Variants in FHIT observed in about 807,000 individuals in gnomAD.
The protein encoded by FHIT is fragile histidine triad diadenosine triphosphatase.
A neutral mutation model predicts 17.9 loss-of-function variants in FHIT; 19 were observed. The observed-to-expected ratio is 1.06, with a 90% CI of 0.74 to 1.56. The LOEUF (loss-of-function observed/expected upper bound fraction) is 1.56. Ranked by LOEUF, FHIT falls within the 40% of genes most tolerant of loss-of-function variation. The pLI, the probability that FHIT is intolerant of heterozygous loss-of-function variation, is 0.00. For missense variants in FHIT, 248 were observed against 189.2 expected (o/e 1.31, Z -1.82); for synonymous variants, 81 against 69.7 (o/e 1.16, Z -0.81).
At chr3:60,368,448 A>G (rs986221389) in intron 5 of FHIT, among the ~76,000 whole-genome samples, 6 of 151,968 alleles carry the variant, frequency 3.9e-5, no homozygotes, top group East Asian at 1.9e-4. Context: ...ATATAAATAT[A>G]TTTATTTCTT....
intron 7 of FHIT, among the ~76,000 whole-genome samples, chr3:59,988,821 G>A (rs935128580): frequency 1.1e-4 from 16 of 152,088 alleles, no homozygotes; most frequent in African/African-American, 3.4e-4. Flanking sequence ...AGCCCTCCAA[G>A]ATAGGGGAAT....
intron 5 of FHIT, among the ~76,000 whole-genome samples, chr3:60,324,658 T>A (rs1398666150): frequency 6.6e-6 from 1 of 152,016 alleles, no homozygotes; most frequent in Non-Finnish European, 1.5e-5. Flanking sequence ...AGTGTTATGC[T>A]AAGCATGGTT....
chr3:61,089,273 A>G (rs1210428969), intron 2 of FHIT, among the ~76,000 whole-genome samples: 3 of 152,196 alleles, frequency 2.0e-5, no homozygotes, highest in African/African-American at 7.2e-5. Flanking sequence ...TTTTAAGTGT[A>G]CAGTTTTGTG....
intron 5 of FHIT, among the ~76,000 whole-genome samples, chr3:60,187,032 C>T (rs1214328643): frequency 6.6e-6 from 1 of 152,018 alleles, no homozygotes; most frequent in African/African-American, 2.4e-5. Flanking sequence ...TGAAATAGCT[C>T]GTGATTAGAG....
chr3:61,227,929 A>G (rs890064356), intron 1 of FHIT, among the ~76,000 whole-genome samples: 1 of 152,182 alleles, frequency 6.6e-6, no homozygotes, highest in Non-Finnish European at 1.5e-5. Flanking sequence ...TAAAAACTCA[A>G]TGACTAAGTA....
At chr3:60,641,587 T>C (rs1399460228) in intron 4 of FHIT, among the ~76,000 whole-genome samples, 1 of 152,152 alleles carries the variant, frequency 6.6e-6, no homozygotes, top group Non-Finnish European at 1.5e-5. Flanking sequence ...GGCAGATATA[T>C]GATGACAAAC....
At chr3:59,956,066 T>C (rs13322304) in intron 7 of FHIT, among the ~76,000 whole-genome samples, 4,044 of 152,324 alleles carry the variant, frequency 0.027, 204 homozygotes, top group African/African-American at 0.093. Context: ...AGCTCTCTTC[T>C]TCTATCATTT....
At chr3:60,688,371 T>G (rs531341567) in intron 4 of FHIT, among the ~76,000 whole-genome samples, 1 of 151,790 alleles carries the variant, frequency 6.6e-6, no homozygotes, top group Non-Finnish European at 1.5e-5. Context: ...ACATATACTA[T>G]CCCCTTGCTG....
chr3:60,705,183 A>G (rs2107919488), intron 4 of FHIT, among the ~76,000 whole-genome samples: 1 of 152,332 alleles, frequency 6.6e-6, no homozygotes, highest in Middle Eastern at 3.4e-3. Flanking sequence ...ACAATTTTCA[A>G]ACTACTTTCA....
At chr3:60,384,855 A>C (rs1700947967) in intron 5 of FHIT, among the ~76,000 whole-genome samples, 1 of 147,564 alleles carries the variant, frequency 6.8e-6, no homozygotes, top group Non-Finnish European at 1.5e-5. Context: ...AAAAAAAAAA[A>C]TCTCAGAAAT....
At chr3:59,985,377 G>C (rs1238533780) in intron 7 of FHIT, among the ~76,000 whole-genome samples, 1 of 152,100 alleles carries the variant, frequency 6.6e-6, no homozygotes. Context: ...TAAAACCTTA[G>C]AGTATTATCA....
intron 8 of FHIT, among the ~76,000 whole-genome samples, chr3:59,791,495 C>G (rs140439419): frequency 6.6e-6 from 1 of 152,160 alleles, no homozygotes; most frequent in Non-Finnish European, 1.5e-5. Context: ...GCGCCTGAAT[C>G]AACAATACTA....
chr3:60,266,192 C>T (rs963107461), intron 5 of FHIT, among the ~76,000 whole-genome samples: 3 of 151,834 alleles, frequency 2.0e-5, no homozygotes, highest in Non-Finnish European at 2.9e-5. Flanking sequence ...ATGTGGTACA[C>T]GCATACAATG....
At chr3:60,050,608 T>A (rs1341163290) in intron 5 of FHIT, among the ~76,000 whole-genome samples, 1 of 152,152 alleles carries the variant, frequency 6.6e-6, no homozygotes, top group East Asian at 1.9e-4. Context: ...TGTATCCTTA[T>A]GCAGTCCACA....
chr3:60,411,885 CT>C (rs1175050388), intron 5 of FHIT, among the ~76,000 whole-genome samples: 2 of 152,014 alleles, frequency 1.3e-5, no homozygotes, highest in African/African-American at 4.8e-5. Flanking sequence ...ACTTTTCTCT[CT>C]AGAAAAACTG....
At chr3:61,154,833 G>A (rs964798518) in intron 2 of FHIT, among the ~76,000 whole-genome samples, 3 of 152,192 alleles carry the variant, frequency 2.0e-5, no homozygotes, top group Non-Finnish European at 4.4e-5. Context: ...CCCTGTTCTT[G>A]TCAAAACAGC....
rs148777751 is a variant in FHIT at position 60,329,620 on chromosome 3, A to T, written c.103+207240T>A. ...AAAAGAAGTTAGGTGAGTAACTAGC[A>T]GCAGAAAGCCAAGCACCGTAAGACT... On this transcript the variant is annotated intron_variant, in intron 5 of 9. Coordinates refer to ENST00000492590, the MANE Select transcript of FHIT (RefSeq NM_002012.4). Among the ~76,000 whole-genome samples the T allele has an allele frequency of 3.4e-3, 519 of 152,328 alleles. 3 individuals carry two copies. The highest frequency in any genetic ancestry group is 9.5e-3 in the South Asian group (46 of 4,830).
intron 5 of FHIT, among the ~76,000 whole-genome samples, chr3:60,524,359 T>A (rs1420803151): frequency 6.6e-6 from 1 of 152,148 alleles, no homozygotes; most frequent in Non-Finnish European, 1.5e-5. Flanking sequence ...GAGCACAATC[T>A]AAATAGAGGT....
chr3:60,114,141 A>G (rs1704837792), intron 5 of FHIT, among the ~76,000 whole-genome samples: 1 of 144,998 alleles, frequency 6.9e-6, no homozygotes, highest in Non-Finnish European at 1.5e-5. Flanking sequence ...TAAAACAAGC[A>G]CAACCTTTTA....
Sources: gnomAD v4.1 joint callset for allele counts (sites outside exome capture counted in the v4.1 genomes callset) on GRCh38, gnomAD v4.1.1 for gene constraint, MANE v1.5 for transcripts, NCBI Gene and HGNC (gene_info 2026-07-23, HGNC 2026-07-21) for gene names.